Variants in PCCA observed in about 807,000 individuals in gnomAD.
PCCA encodes the protein propionyl-CoA carboxylase subunit alpha, also known as propionyl-CoA carboxylase alpha chain, mitochondrial.
A neutral mutation model predicts 101.3 loss-of-function variants in PCCA; 74 were observed. The ratio of observed to expected loss-of-function variants is 0.73; its 90% CI spans 0.61 to 0.89. The LOEUF (loss-of-function observed/expected upper bound fraction) is 0.89. Ranked by LOEUF, PCCA falls within the 40% of genes least tolerant of loss-of-function variation. PCCA has a pLI of 0.00. For missense variants in PCCA, 891 were observed against 907.0 expected, an observed-to-expected ratio of 0.98 and a Z score of 0.23; for synonymous variants, 294 against 313.6, an observed-to-expected ratio of 0.94 and a Z score of 0.66.
chr13:100,202,415 T>C (rs2058579861), intron 6 of PCCA, among the ~76,000 whole-genome samples: 1 of 152,086 alleles, frequency 6.6e-6, no homozygotes, highest in African/African-American at 2.4e-5. Context: ...CCATTTTCTT[T>C]TGGTATAAAA....
chr13:100,269,422 A>G (rs981645885), intron 11 of PCCA, among the ~76,000 whole-genome samples: 1 of 152,118 alleles, frequency 6.6e-6, no homozygotes, highest in African/African-American at 2.4e-5. Context: ...CTAGACTTTC[A>G]TGTTGGTGAA....
At chr13:100,382,279 G>T (rs977284667) in intron 19 of PCCA, among the ~76,000 whole-genome samples, 6 of 152,250 alleles carry the variant, frequency 3.9e-5, no homozygotes, top group Admixed American at 3.3e-4. Context: ...CCTGAAGTCC[G>T]GCTGGATTTT....
At chr13:100,121,157 T>G (rs1594205164) in intron 4 of PCCA, among the ~76,000 whole-genome samples, 1 of 101,442 alleles carries the variant, frequency 9.9e-6, no homozygotes, top group Non-Finnish European at 1.9e-5. Flanking sequence ...TCTTAGGTTT[T>G]TTTTTTTTTT....
At chr13:100,420,978 G>A (rs1210771333) in intron 19 of PCCA, among the ~76,000 whole-genome samples, 1 of 152,092 alleles carries the variant, frequency 6.6e-6, no homozygotes. Flanking sequence ...AGGCCGTGGC[G>A]GGCCAATCAT....
chr13:100,513,961 T>G (rs2086656634), intron 21 of PCCA, among the ~76,000 whole-genome samples: 1 of 152,184 alleles, frequency 6.6e-6, no homozygotes, highest in South Asian at 2.1e-4. Context: ...CCTCCACACC[T>G]TCCCCCATTG....
At position 100,270,763 on chromosome 13, in the gene PCCA, C is replaced by T. The variant is rs140741336; in HGVS notation, c.914+1980C>T. Among the ~76,000 whole-genome samples, 315 of 152,234 alleles carry T rather than the reference C, an allele frequency of 2.1e-3. 2 individuals are homozygous for T. The highest frequency in any genetic ancestry group is 7.4e-3 in the African/African-American group (306 of 41,548). ...GTGGCTCACACCTGTAATCTTAGCA[C>T]TTTGGGAGGCTGAGGTGGGAGGATT... On this transcript the variant is annotated intron_variant, in intron 11 of 23. Transcript: ENST00000376285.
At chr13:100,355,370 A>T (rs2152788617) in intron 18 of PCCA, among the ~76,000 whole-genome samples, 1 of 152,296 alleles carries the variant, frequency 6.6e-6, no homozygotes, top group African/African-American at 2.4e-5. Flanking sequence ...GATTGGAGAG[A>T]AGTCAACTTA....
At chr13:100,212,239 A>G (rs940912256) in intron 7 of PCCA, among the ~76,000 whole-genome samples, 5 of 152,208 alleles carry the variant, frequency 3.3e-5, no homozygotes, top group Non-Finnish European at 4.4e-5. Flanking sequence ...TTTATAAATA[A>G]AGGTTTATTG....
At chr13:100,333,612 A>G (rs2069973160) in intron 17 of PCCA, among the ~76,000 whole-genome samples, 1 of 152,226 alleles carries the variant, frequency 6.6e-6, no homozygotes, top group Non-Finnish European at 1.5e-5. Context: ...ATTCTGAAAA[A>G]TAAATGGAAC....
chr13:100,194,438 G>A (rs2057959024), intron 6 of PCCA, among the ~76,000 whole-genome samples: 1 of 152,108 alleles, frequency 6.6e-6, no homozygotes, highest in South Asian at 2.1e-4. Flanking sequence ...TTATTTTTGA[G>A]ACGGAGTCTC....
At chr13:100,239,666 C>G (rs751864265) in intron 8 of PCCA, among the ~76,000 whole-genome samples, 8 of 152,066 alleles carry the variant, frequency 5.3e-5, no homozygotes, top group Non-Finnish European at 1.0e-4. Context: ...GAAGTTTGAT[C>G]TTTTTACTGG....
At chr13:100,401,071 A>G (rs2077335739) in intron 19 of PCCA, among the ~76,000 whole-genome samples, 1 of 152,182 alleles carries the variant, frequency 6.6e-6, no homozygotes, top group Non-Finnish European at 1.5e-5. Flanking sequence ...AACCAAGATC[A>G]TATTTCAGAC....
intron 2 of PCCA, among the ~76,000 whole-genome samples, chr13:100,109,069 G>A (rs989740335): frequency 4.6e-5 from 7 of 152,308 alleles, no homozygotes; most frequent in Non-Finnish European, 8.8e-5. Context: ...TAGACAGATA[G>A]GGGCACACTC....
rs2152189800 is a variant in PCCA, at chr13:100,089,183, G to A, written c.63G>A (p.Pro21=). 1 of 1,527,948 alleles carries A rather than the reference G, an allele frequency of 6.5e-7. No homozygotes were observed. Among genetic ancestry groups the A allele is most frequent in the Non-Finnish European group, 8.8e-7 (1 of 1,139,488 alleles). The allele number at this position is 1,527,948 out of a possible 1,614,324, so 94.6% of individuals were successfully genotyped here. A position where few individuals can be genotyped will look rare whatever the true frequency, so the allele number is the denominator to read the frequency against. ...LVAAGRRGRW[P]PQQLMLSAAL... ...CTGCCGGACGGCGTGGGCGGTGGCCGCCGCAGCAGCTGATGCTGAGCGCGG... is the reference window on the plus strand; with the variant it reads ...CTGCCGGACGGCGTGGGCGGTGGCCACCGCAGCAGCTGATGCTGAGCGCGG... Residue 21 remains proline (P), a synonymous_variant, in exon 1 of 24, where the codon CCG becomes CCA. Transcript: ENST00000376285.
chr13:100,259,503 T>C (rs987588565), intron 9 of PCCA, among the ~76,000 whole-genome samples: 1 of 151,714 alleles, frequency 6.6e-6, no homozygotes, highest in Non-Finnish European at 1.5e-5. Flanking sequence ...CCCAGCTAAT[T>C]TTTGTATTTT....
At chr13:100,422,070 T>TTTTCTTTCTTTCTTTC (rs1555454057) in intron 19 of PCCA, among the ~76,000 whole-genome samples, 1 of 110,706 alleles carries the variant, frequency 9.0e-6, no homozygotes, top group South Asian at 3.3e-4. Context: ...TTCTCTTTTC[T>TTTTCTTTCTTTCTTTC]TTTCTTTCTT....
intron 20 of PCCA, among the ~76,000 whole-genome samples, chr13:100,434,197 G>A (rs941945163): frequency 2.0e-5 from 3 of 152,130 alleles, no homozygotes; most frequent in Non-Finnish European, 2.9e-5. Context: ...AGGCAGGGAG[G>A]GGTTAGAGTC....
At chr13:100,350,376 A>G (rs2073122624) in intron 18 of PCCA, among the ~76,000 whole-genome samples, 1 of 152,238 alleles carries the variant, frequency 6.6e-6, no homozygotes, top group Admixed American at 6.5e-5. Flanking sequence ...TATATTTACA[A>G]ACGTATGTAT....
chr13:100,265,616 C>T (rs1191341421), intron 10 of PCCA, among the ~76,000 whole-genome samples: 2 of 152,156 alleles, frequency 1.3e-5, no homozygotes, highest in African/African-American at 4.8e-5. Context: ...CCACACACCC[C>T]ATCTGATGGG....
Sources: allele counts gnomAD v4.1 joint callset (sites outside exome capture counted in the v4.1 genomes callset), GRCh38; gene constraint gnomAD v4.1.1; transcripts MANE v1.5; gene names NCBI Gene and HGNC (gene_info 2026-07-23, HGNC 2026-07-21).